AKAP8: variants seen among roughly 807,000 people sequenced by gnomAD.
The protein encoded by AKAP8 is A-kinase anchoring protein 8, also known as A-kinase anchor protein 8.
Under a neutral mutation model 67.5 loss-of-function variants are expected in AKAP8, and 24 were observed. The observed-to-expected ratio is 0.36, with a 90% CI of 0.26 to 0.50. The LOEUF (loss-of-function observed/expected upper bound fraction) is 0.50, where lower values mean the gene tolerates loss of function less well. Among genes scored for constraint, AKAP8 ranks in the 20% least tolerant of loss-of-function variants. The pLI is 0.97. For synonymous variants in AKAP8, 400 were observed against 371.1 expected (o/e 1.08, Z -0.90); for missense variants, 971 against 955.9 (o/e 1.02, Z -0.21).
intron 9 of AKAP8, among the ~76,000 whole-genome samples, chr19:15,363,731 GAA>G (rs1364698739): frequency 1.3e-5 from 2 of 152,234 alleles, no homozygotes; most frequent in African/African-American, 2.4e-5. Context: ...GAAAGGTGGG[GAA>G]AAGATTGAGA....
At chr19:15,361,973 AG>A in intron 10 of AKAP8, 136 bp downstream of exon 10, 1 of 1,386,378 alleles carries the variant, frequency 7.2e-7, no homozygotes, top group Non-Finnish European at 9.8e-7. Context: ...CCTGTGACTC[AG>A]GGACTTACAC....
chr19:15,364,092 A>G (rs1190482414), intron 9 of AKAP8, among the ~76,000 whole-genome samples: 57 of 28,850 alleles, frequency 2.0e-3, no homozygotes, highest in African/African-American at 9.3e-3. Flanking sequence ...AAATAAATAA[A>G]TAAATTGGCA....
intron 9 of AKAP8, among the ~76,000 whole-genome samples, chr19:15,363,619 G>A (rs1488248264): frequency 1.3e-5 from 2 of 151,570 alleles, no homozygotes; most frequent in African/African-American, 4.8e-5. Context: ...GGGAAGTGAG[G>A]AGCCCCTCTG....
chr19:15,374,973 T>C (rs1403628109), intron 2 of AKAP8, among the ~76,000 whole-genome samples: 2 of 152,136 alleles, frequency 1.3e-5, no homozygotes, highest in Non-Finnish European at 2.9e-5. Context: ...AAAGGGTCAG[T>C]TCCCATCAGA....
At chr19:15,361,090 C>G (rs1041040287) in intron 11 of AKAP8, 112 bp from the exon 12 acceptor site, 8 of 1,369,774 alleles carry the variant, frequency 5.8e-6, no homozygotes, top group Non-Finnish European at 7.9e-6. Context: ...CAGAAGGGCA[C>G]AGCCTGCCTT....
chr19:15,357,838 C>T lies in AKAP8; in HGVS notation c.1623+1129G>A, dbSNP rs569570523. 6.6e-5 allele frequency among the ~76,000 whole-genome samples: 10 copies of T among 151,678 alleles called. 1 individual carries two copies. Among genetic ancestry groups the T allele is most frequent in the South Asian group, 2.1e-4 (1 of 4,798 alleles). ...CTGGGACCACAGGCGCATGCCACCACGCCTGGCTAATTTATGTATTTTTTG... is the reference window on the plus strand; with the variant it reads ...CTGGGACCACAGGCGCATGCCACCATGCCTGGCTAATTTATGTATTTTTTG... On this transcript the variant is annotated intron_variant, in intron 13 of 13. Transcript: ENST00000269701.
intron 12 of AKAP8, 44 bp from the exon 13 acceptor site, chr19:15,359,106 T>C (rs190818762): frequency 6.1e-5 from 96 of 1,567,202 alleles, no homozygotes; most frequent in Admixed American, 5.0e-4. Context: ...TGGCAAAGAT[T>C]AAGGAAGAGA....
At chr19:15,370,944 G>A (rs1411760357) in intron 7 of AKAP8, among the ~76,000 whole-genome samples, 1 of 152,114 alleles carries the variant, frequency 6.6e-6, no homozygotes, top group Non-Finnish European at 1.5e-5. Flanking sequence ...TTTACCCGAT[G>A]TCTTAATAAC....
chr19:15,375,583 A>G (rs959710747), intron 2 of AKAP8, among the ~76,000 whole-genome samples: 1 of 152,184 alleles, frequency 6.6e-6, no homozygotes, highest in Non-Finnish European at 1.5e-5. Flanking sequence ...ATAATATCAC[A>G]TCAACATTGC....
intron 9 of AKAP8, among the ~76,000 whole-genome samples, chr19:15,367,947 G>A (rs1483256459): frequency 6.6e-6 from 1 of 152,244 alleles, no homozygotes; most frequent in Non-Finnish European, 1.5e-5. Flanking sequence ...GGATTCCAGA[G>A]GAATAGAGAC....
intron 9 of AKAP8, among the ~76,000 whole-genome samples, chr19:15,365,807 G>C (rs1279870388): frequency 1.3e-5 from 2 of 152,124 alleles, no homozygotes; most frequent in African/African-American, 4.8e-5. Flanking sequence ...TGGATCACCT[G>C]AGGTCAGGAG....
At chr19:15,360,032 G>A (rs547830932) in intron 12 of AKAP8, among the ~76,000 whole-genome samples, 5 of 152,116 alleles carry the variant, frequency 3.3e-5, no homozygotes, top group Non-Finnish European at 7.4e-5. Flanking sequence ...CTACTTAGGA[G>A]GCTGAGGCTG....
At chr19:15,372,069 T>G in intron 6 of AKAP8, 71 bp from the exon 7 acceptor site, 3 of 1,611,008 alleles carry the variant, frequency 1.9e-6, no homozygotes, top group Non-Finnish European at 2.5e-6. Flanking sequence ...CCTCCCAAGC[T>G]CGCCATCCAG....
chr19:15,368,261 G>A lies in AKAP8; in HGVS notation c.1134C>T (p.Asp378=). The change falls in exon 9 of 14, where the codon GAC becomes GAT. Residue 378 remains aspartate, a synonymous_variant. Coordinates refer to ENST00000269701, the MANE Select transcript of AKAP8 (RefSeq NM_005858.4). The part of the protein sequence containing the change: ...KKRREKQRRR[D]RTRDRAADRI... ...TGTCGGCTGCACGGTCCCGCGTCCT[G>A]TCTCTTCTCCTTTGCTTTTCCCTTC... 6.2e-7 allele frequency: 1 copy of A among 1,613,232 alleles called. No homozygotes were observed. Among genetic ancestry groups the A allele is most frequent in the Non-Finnish European group, 8.5e-7 (1 of 1,179,960 alleles).
rs1431120498 is a variant in AKAP8, at chr19:15,373,033, G to C, written c.679C>G (p.Leu227Val). 1 of 1,594,684 alleles carries C rather than the reference G, an allele frequency of 6.3e-7. No individual in the cohort carries two copies. Among genetic ancestry groups the C allele is most frequent in the South Asian group, 1.1e-5 (1 of 89,276 alleles). ...AGGCCCCGTCCACCCACGTAGTTCA[G>C]CTCGTTCCAGGGCGTGGACAGGGGC... ...SEPLSTPWNE[L>V]NYVGGRGLGG... The change falls in exon 5 of 14, where the codon CTG becomes GTG. Residue 227 changes from leucine (L) to valine (V), a missense_variant. Leu to Val is a conservative substitution (Grantham distance 32). Around this residue, in one of 3 missense-constraint regions of AKAP8, gnomAD observed 763 missense variants for 745.4 expected, o/e 1.02. Transcript: ENST00000269701.
At position 15,354,848 on chromosome 19, in the gene AKAP8, C is replaced by T; in HGVS notation, c.*67G>A. ...GGAGCACACGCCCTTGTACTGCTTA[C>T]AAACCAAGGGAGAAAGACCAACGCA... On this transcript the variant is annotated 3_prime_UTR_variant, in exon 14 of 14. Coordinates refer to ENST00000269701, the MANE Select transcript of AKAP8 (RefSeq NM_005858.4). The T allele has an allele frequency of 3.2e-6, 5 of 1,573,118 alleles. No individual in the cohort carries two copies. The highest frequency in any genetic ancestry group is 4.3e-6 in the Non-Finnish European group (5 of 1,157,030).
chr19:15,357,271 T>C (rs1451822376), intron 13 of AKAP8, among the ~76,000 whole-genome samples: 2 of 151,000 alleles, frequency 1.3e-5, no homozygotes, highest in African/African-American at 4.9e-5. Flanking sequence ...CCCATCCCCC[T>C]GCAAAACATT....
rs138675364 is a variant in AKAP8 at position 15,364,413 on chromosome 19, C to T, written c.1161-2162G>A. On this transcript the variant is annotated intron_variant, in intron 9 of 13. Transcript: ENST00000269701. The stretch of plus-strand genomic sequence containing the variant: ...TTGCCCAGGCTGGAGTGCAGTGGTG[C>T]GATCTTGGCTCACTGCAACCTCCGC... Among the ~76,000 whole-genome samples, 1,338 of 151,988 alleles carry T rather than the reference C, an allele frequency of 8.8e-3. 22 individuals carry two copies. Among genetic ancestry groups the T allele is most frequent in the African/African-American group, 0.03 (1,257 of 41,444 alleles).
At chr19:15,359,149 A>AT (rs1966924304) in intron 12 of AKAP8, 87 bp from the exon 13 acceptor site, 1 of 1,229,586 alleles carries the variant, frequency 8.1e-7, no homozygotes, top group Non-Finnish European at 1.2e-6. Flanking sequence ...AGTCATCCTG[A>AT]GATCAGCCCT....
Sources: allele counts gnomAD v4.1 joint callset (sites outside exome capture counted in the v4.1 genomes callset), GRCh38; gene constraint gnomAD v4.1.1; regional missense constraint gnomAD v4.1.1; transcripts MANE v1.5; gene names NCBI Gene and HGNC (gene_info 2026-07-23, HGNC 2026-07-21).